The following CEP162 variants were observed in gnomAD, a reference collection of about 807,000 sequenced individuals.
CEP162 encodes the protein centrosomal protein of 162 kDa.
Under a neutral mutation model 169.2 loss-of-function variants are expected in CEP162, and 141 were observed. The ratio of observed to expected loss-of-function variants is 0.83; its 90% CI spans 0.73 to 0.96. The LOEUF (loss-of-function observed/expected upper bound fraction) is 0.96, where lower values mean the gene tolerates loss of function less well. Ranked by LOEUF, CEP162 falls within the 40% of genes least tolerant of loss-of-function variation. CEP162 has a pLI of 0.00. For missense variants in CEP162, 1,600 were observed against 1,587.2 expected (o/e 1.01, Z -0.14); for synonymous variants, 540 against 526.4 (o/e 1.03, Z -0.35).
chr6:84,203,698 TGCCTCA>T (rs375258823), intron 7 of CEP162, among the ~76,000 whole-genome samples: 9 of 152,318 alleles, frequency 5.9e-5, no homozygotes, highest in African/African-American at 2.2e-4. Context: ...ACAGTCCTCC[TGCCTCA>T]GCCTCCCAAA....
At chr6:84,219,174 T>C (rs924907695) in intron 3 of CEP162, 2 of 1,290,738 alleles carry the variant, frequency 1.5e-6, no homozygotes, top group Non-Finnish European at 2.0e-6. Context: ...GGTTCTACAC[T>C]CTTGATACAG....
chr6:84,192,873 C>A (rs577407368), intron 11 of CEP162, among the ~76,000 whole-genome samples: 1 of 152,126 alleles, frequency 6.6e-6, no homozygotes. Flanking sequence ...GAGTATAACC[C>A]ATGGAGATGC....
chr6:84,224,737 GAGACAC>G lies in CEP162; in HGVS notation c.57+1594_57+1599del, dbSNP rs146806769. Among the ~76,000 whole-genome samples the G allele has an allele frequency of 3.4e-3, 519 of 152,242 alleles. 2 individuals are homozygous for G. Among genetic ancestry groups the G allele is most frequent in the African/African-American group, 0.011 (477 of 41,530 alleles). Reference sequence around the variant, plus strand: ...ACTGAGGATGGATATAAGAGGAAGAGAGACACAGACAGAAGGGTGGGGGAAGGAGAG... The same window carrying G: ...ACTGAGGATGGATATAAGAGGAAGAGAGACAGAAGGGTGGGGGAAGGAGAG... On this transcript the variant is annotated intron_variant, in intron 2 of 26. Transcript: ENST00000403245.
chr6:84,134,915 T>TACACACAC (rs1464989596), intron 25 of CEP162, among the ~76,000 whole-genome samples: 6 of 74,068 alleles, frequency 8.1e-5, no homozygotes, highest in African/African-American at 2.4e-4. Flanking sequence ...GAAAAGATCA[T>TACACACAC]ATATACACAC....
Position 84,210,810 on chromosome 6 carries a change from T to C in CEP162, c.571+2147A>G, listed in dbSNP as rs1178964566. Among the ~76,000 whole-genome samples the C allele has an allele frequency of 2.6e-5, 4 of 152,124 alleles. No homozygotes were observed. The East Asian group carries it at 5.8e-4, about 22-fold the overall frequency. ...AATCTGCTTAAGTGGAGAGACCTCA[T>C]TGATCACTAGGGGCATTGGGATGTG... On this transcript the variant is annotated intron_variant, in intron 6 of 26. Coordinates refer to ENST00000403245, the MANE Select transcript of CEP162 (RefSeq NM_014895.4).
In CEP162 at chr6:84,154,379, C is replaced by CTATCTAT. The variant is rs1562020180; in HGVS notation, c.2994+918_2994+919insATAGATA. On this transcript the variant is annotated intron_variant, in intron 22 of 26. Coordinates refer to ENST00000403245, the MANE Select transcript of CEP162 (RefSeq NM_014895.4). ...GTCTGTCTATCTATCTATCTATCTA[C>CTATCTAT]CTATCTATCTATCTATCTATGTATC... 3.0e-3 allele frequency among the ~76,000 whole-genome samples: 374 copies of CTATCTAT among 124,830 alleles called. 3 individuals are homozygous for CTATCTAT. The highest frequency in any genetic ancestry group is 0.012 in the African/African-American group (350 of 29,318). 81.9% of individuals were successfully genotyped at this position (124,830 alleles called of 152,430 possible).
rs746044397 is a variant in CEP162 at position 84,153,140 on chromosome 6, G to C, written c.3034C>G (p.Leu1012Val). 1.9e-6 allele frequency: 3 copies of C among 1,609,304 alleles called. No homozygotes were observed. The highest frequency in any genetic ancestry group is 8.5e-7 in the Non-Finnish European group (1 of 1,178,612). Residue 1012 changes from leucine (L) to valine (V), a missense_variant, in exon 23 of 27, where the codon CTT becomes GTT. Physicochemically the swap from Leu to Val is conservative, Grantham distance 32. Coordinates refer to ENST00000403245, the MANE Select transcript of CEP162 (RefSeq NM_014895.4). ...EQRLEQQEQLLACKLNQHDSP... is the reference protein window; with the variant it reads ...EQRLEQQEQLVACKLNQHDSP... ...TCATGTTGATTCAATTTGCAGGCAA[G>C]TAGCTGCTCCTGCTGCTCTAGTCTT...
intron 25 of CEP162, among the ~76,000 whole-genome samples, chr6:84,135,737 C>A (rs2099513777): frequency 6.6e-6 from 1 of 152,084 alleles, no homozygotes; most frequent in African/African-American, 2.4e-5. Context: ...ATGGCACAAT[C>A]CTGTAATCCC....
rs552934444 is a variant in CEP162, at chr6:84,142,450, C to T, written c.3870+4237G>A. 1.3e-4 allele frequency among the ~76,000 whole-genome samples: 20 copies of T among 151,946 alleles called. No individual in the cohort carries two copies. The South Asian group carries it at 3.1e-3, about 24-fold the overall frequency. Reference sequence around the variant, plus strand: ...TATACATTTTTTTTCTACCTTTGGACGGTATTGTCAAAAGTAATTCATAAA... The same window carrying T: ...TATACATTTTTTTTCTACCTTTGGATGGTATTGTCAAAAGTAATTCATAAA... On this transcript the variant is annotated intron_variant, in intron 25 of 26. Transcript: ENST00000403245.
chr6:84,176,228 C>T (rs1562045213), intron 13 of CEP162, among the ~76,000 whole-genome samples: 1 of 151,996 alleles, frequency 6.6e-6, no homozygotes, highest in East Asian at 1.9e-4. Context: ...GAATGTTATA[C>T]ATGATTATTA....
In CEP162 at chr6:84,182,935, A is replaced by T. The variant is rs1401879453; in HGVS notation, c.1663+2252T>A. On this transcript the variant is annotated intron_variant, in intron 13 of 26. Transcript: ENST00000403245. ...TTTTCTGAACACTAATCTCATCTCA[A>T]ACTCTGCTTCTTGGAGAACTCAACC... Among the ~76,000 whole-genome samples the T allele has an allele frequency of 4.6e-5, 7 of 152,074 alleles. No homozygotes were observed. In the East Asian group the frequency reaches 1.3e-3, roughly 29 times the overall value.
At chr6:84,141,032 G>A (rs1562005203) in intron 25 of CEP162, among the ~76,000 whole-genome samples, 2 of 152,040 alleles carry the variant, frequency 1.3e-5, no homozygotes, top group Non-Finnish European at 2.9e-5. Context: ...GTTCACAATT[G>A]GGTTCACGCT....
At chr6:84,223,887 C>T (rs868475682) in intron 2 of CEP162, among the ~76,000 whole-genome samples, 1 of 150,394 alleles carries the variant, frequency 6.6e-6, no homozygotes. Flanking sequence ...GCCTGGGCAA[C>T]AGAGCAAGAC....
chr6:84,153,229 A>C, intron 22 of CEP162, 50 bp from the exon 23 acceptor site: 1 of 1,525,056 alleles, frequency 6.6e-7, no homozygotes. Flanking sequence ...ACGTTTCATT[A>C]GTTGCTGAAG....
intron 14 of CEP162, 66 bp downstream of exon 14, chr6:84,175,148 A>G (rs9449824): frequency 0.029 from 32,306 of 1,104,432 alleles, 1,462 homozygotes; most frequent in African/African-American, 0.2. Flanking sequence ...ATTTTGTTAT[A>G]TATAATTTAG....
chr6:84,144,087 T>C (rs1040554396), intron 25 of CEP162, among the ~76,000 whole-genome samples: 29 of 152,108 alleles, frequency 1.9e-4, no homozygotes, highest in African/African-American at 7.0e-4. Context: ...CTTCCTCAAA[T>C]CAAATTATAA....
At chr6:84,219,103 C>CT in intron 3 of CEP162, 1 of 1,107,784 alleles carries the variant, frequency 9.0e-7, no homozygotes, top group Non-Finnish European at 1.2e-6. Context: ...TTAATGGTAC[C>CT]TGTCTTAAGA....
At chr6:84,125,565 G>C (rs2099508594) in intron 26 of CEP162, among the ~76,000 whole-genome samples, 1 of 152,048 alleles carries the variant, frequency 6.6e-6, no homozygotes, top group South Asian at 2.1e-4. Flanking sequence ...CATAAGGGTG[G>C]GGACTTGATT....
chr6:84,201,930 A>G (rs1562077804), intron 7 of CEP162, among the ~76,000 whole-genome samples, 163 bp from the exon 8 acceptor site: 1 of 152,202 alleles, frequency 6.6e-6, no homozygotes, highest in African/African-American at 2.4e-5. Flanking sequence ...ACTCTCATTT[A>G]TCAATAATTC....
Sources: gnomAD v4.1 joint callset for allele counts (sites outside exome capture counted in the v4.1 genomes callset) on GRCh38, gnomAD v4.1.1 for gene constraint, MANE v1.5 for transcripts, NCBI Gene and HGNC (gene_info 2026-07-23, HGNC 2026-07-21) for gene names.